CDK14: variants seen among roughly 807,000 people sequenced by gnomAD.
The protein encoded by CDK14 is cyclin-dependent kinase 14.
A neutral mutation model predicts 60.7 loss-of-function variants in CDK14; 34 were observed. The observed-to-expected ratio is 0.56, with a 90% confidence interval of 0.43 to 0.75. The LOEUF (loss-of-function observed/expected upper bound fraction) is 0.75. Ranked by LOEUF, CDK14 falls within the 30% of genes least tolerant of loss-of-function variation. CDK14 has a pLI of 0.00. For synonymous variants in CDK14, 197 were observed against 203.7 expected, an observed-to-expected ratio of 0.97 and a Z score of 0.28; for missense variants, 482 against 564.1, an observed-to-expected ratio of 0.85 and a Z score of 1.47.
At chr7:90,709,886 T>G in intron 2 of CDK14, 1 of 1,310,800 alleles carries the variant, frequency 7.6e-7, no homozygotes, top group Non-Finnish European at 9.8e-7. Flanking sequence ...CCTGGCCTGG[T>G]GCAAACACAT....
intron 8 of CDK14, among the ~76,000 whole-genome samples, chr7:90,925,569 A>G (rs578236524): frequency 2.0e-5 from 3 of 152,238 alleles, no homozygotes; most frequent in Non-Finnish European, 4.4e-5. Flanking sequence ...TTACAAGAAC[A>G]ATGTAAAATA....
At chr7:90,918,119 A>G (rs1793135615) in intron 8 of CDK14, among the ~76,000 whole-genome samples, 1 of 152,192 alleles carries the variant, frequency 6.6e-6, no homozygotes, top group African/African-American at 2.4e-5. Flanking sequence ...TTACTCATCA[A>G]CCAGCTTCAA....
chr7:91,006,516 ATT>A (rs1481293534), intron 10 of CDK14, among the ~76,000 whole-genome samples: 1 of 152,220 alleles, frequency 6.6e-6, no homozygotes, highest in African/African-American at 2.4e-5. Context: ...TTTAAAAATA[ATT>A]TGTTCCCTAT....
At chr7:90,751,301 C>T (rs1803833877) in intron 4 of CDK14, among the ~76,000 whole-genome samples, 1 of 152,034 alleles carries the variant, frequency 6.6e-6, no homozygotes, top group Non-Finnish European at 1.5e-5. Context: ...ATAAAGGGAA[C>T]ACCATTAAGC....
intron 4 of CDK14, among the ~76,000 whole-genome samples, chr7:90,786,919 C>T (rs1805607851): frequency 2.0e-5 from 2 of 99,292 alleles, no homozygotes; most frequent in South Asian, 3.8e-4. Flanking sequence ...GAGTGAGACC[C>T]TGTCTCCAAA....
At chr7:90,634,799 T>A (rs1800097335) in intron 2 of CDK14, among the ~76,000 whole-genome samples, 1 of 151,928 alleles carries the variant, frequency 6.6e-6, no homozygotes, top group Non-Finnish European at 1.5e-5. Context: ...CACCTGTTGT[T>A]TCCTGACTTT....
chr7:90,906,532 T>C (rs1047163619), intron 7 of CDK14, among the ~76,000 whole-genome samples: 6 of 151,822 alleles, frequency 4.0e-5, no homozygotes, highest in African/African-American at 1.4e-4. Context: ...TTAGCAATTT[T>C]GACTTTTAGT....
At chr7:90,787,295 G>A (rs1233876710) in intron 4 of CDK14, among the ~76,000 whole-genome samples, 1 of 151,570 alleles carries the variant, frequency 6.6e-6, no homozygotes, top group Non-Finnish European at 1.5e-5. Context: ...TCTGCTGGAT[G>A]CAAAAAGGTT....
intron 10 of CDK14, among the ~76,000 whole-genome samples, chr7:90,995,943 C>T (rs1021563945): frequency 6.6e-6 from 1 of 152,132 alleles, no homozygotes; most frequent in Non-Finnish European, 1.5e-5. Context: ...ACATGGAATT[C>T]TTTGAAATGT....
chr7:90,933,567 A>T (rs750145263), intron 8 of CDK14, among the ~76,000 whole-genome samples: 1 of 152,236 alleles, frequency 6.6e-6, no homozygotes, highest in Non-Finnish European at 1.5e-5. Flanking sequence ...TAGACAATTT[A>T]TATCACTAAC....
intron 10 of CDK14, among the ~76,000 whole-genome samples, chr7:91,010,643 G>A (rs776965952): frequency 4.0e-5 from 6 of 151,706 alleles, no homozygotes; most frequent in Non-Finnish European, 8.8e-5. Context: ...TTTTTTGGTA[G>A]ATTACATAGA....
chr7:91,044,449 A>G (rs866436616), intron 10 of CDK14, among the ~76,000 whole-genome samples: 8 of 152,154 alleles, frequency 5.3e-5, no homozygotes, highest in African/African-American at 1.9e-4. Flanking sequence ...AATGTTTCTT[A>G]CATTTACAGA....
intron 7 of CDK14, among the ~76,000 whole-genome samples, chr7:90,909,050 T>C (rs931738360): frequency 1.3e-5 from 2 of 152,170 alleles, no homozygotes; most frequent in African/African-American, 2.4e-5. Context: ...CTCTGAATAT[T>C]GATTCGTTTT....
intron 14 of CDK14, among the ~76,000 whole-genome samples, chr7:91,172,709 T>G (rs972898645): frequency 3.3e-5 from 5 of 152,192 alleles, no homozygotes; most frequent in Non-Finnish European, 7.3e-5. Context: ...ACTCTCCTGT[T>G]CCACCAGACT....
chr7:90,745,292 A>T (rs148244318), intron 3 of CDK14, among the ~76,000 whole-genome samples: 1 of 152,100 alleles, frequency 6.6e-6, no homozygotes, highest in Non-Finnish European at 1.5e-5. Context: ...TTGTGTTTCC[A>T]TAATTCACTT....
chr7:91,109,202 T>C (rs1799404085), intron 12 of CDK14, among the ~76,000 whole-genome samples: 1 of 152,182 alleles, frequency 6.6e-6, no homozygotes, highest in South Asian at 2.1e-4. Context: ...TAATATTTTT[T>C]AAGCCTGTTG....
chr7:91,195,687 A>C (rs1185039982), intron 14 of CDK14, among the ~76,000 whole-genome samples: 2 of 152,210 alleles, frequency 1.3e-5, no homozygotes, highest in African/African-American at 4.8e-5. Flanking sequence ...ATTTGATGGC[A>C]TCCTAAAGAA....
intron 10 of CDK14, among the ~76,000 whole-genome samples, chr7:91,004,331 G>A (rs1367604080): frequency 6.6e-6 from 1 of 152,128 alleles, no homozygotes; most frequent in Non-Finnish European, 1.5e-5. Flanking sequence ...GGCTAATAAA[G>A]GAACATTGTG....
intron 2 of CDK14, among the ~76,000 whole-genome samples, chr7:90,662,409 C>T (rs1800882347): frequency 6.6e-6 from 1 of 152,172 alleles, no homozygotes; most frequent in Admixed American, 6.5e-5. Context: ...AGGAAAGTGC[C>T]CTTGGCAAAG....
Sources: gnomAD v4.1 joint callset for allele counts (sites outside exome capture counted in the v4.1 genomes callset) on GRCh38, gnomAD v4.1.1 for gene constraint, MANE v1.5 for transcripts, NCBI Gene and HGNC (gene_info 2026-07-23, HGNC 2026-07-21) for gene names.